PHACTR2: variants seen among roughly 807,000 people sequenced by gnomAD.
The protein encoded by PHACTR2 is chromosome 6 open reading frame 56.
A neutral mutation model predicts 76.0 loss-of-function variants in PHACTR2; 30 were observed. That is an observed-to-expected ratio of 0.39 (90% CI 0.30 to 0.54). The LOEUF is 0.54. PHACTR2 is among the 20% of genes least tolerant of loss of function. PHACTR2 has a pLI of 0.61. For missense variants in PHACTR2, 696 were observed against 781.1 expected, an observed-to-expected ratio of 0.89 and a Z score of 1.30; for synonymous variants, 292 against 292.5, an observed-to-expected ratio of 1.00 and a Z score of 0.02.
chr6:143,659,109 G>GTAA lies in PHACTR2; in HGVS notation c.13+50788_13+50790dup, dbSNP rs1241430661. Among the ~76,000 whole-genome samples, 1 of 151,974 alleles carries GTAA rather than the reference G, an allele frequency of 6.6e-6. No individual in the cohort carries two copies. The highest frequency in any genetic ancestry group is 1.5e-5 in the Non-Finnish European group (1 of 68,002). Reference sequence around the variant, plus strand: ...CTTGCAGGACTGGAGGTTGCCCTAGGTAAGTCTGTGAGTGAGTGATGGGTG... The same window carrying GTAA: ...CTTGCAGGACTGGAGGTTGCCCTAGGTAATAAGTCTGTGAGTGAGTGATGGGTG... On this transcript the variant is annotated intron_variant, in intron 1 of 11. Transcript: ENST00000305766. The surrounding 1 kb of genome is among the most constrained non-coding windows in gnomAD (Gnocchi z 5.0).
At position 143,553,826 on chromosome 6, in the gene PHACTR2, C is replaced by T. The variant is rs968110556; in HGVS notation, c.217+16619C>T. 2.0e-5 allele frequency among the ~76,000 whole-genome samples: 3 copies of T among 151,988 alleles called. No individual in the cohort carries two copies. Among genetic ancestry groups the T allele is most frequent in the Non-Finnish European group, 2.9e-5 (2 of 67,992 alleles). ...AGCAGAGGAAGGGTATAGGTCGTGC[C>T]GGGGTGAAGGTGTGCAGATTGCAAC... On this transcript the variant is annotated intron_variant, in intron 1 of 11. Coordinates refer to the PHACTR2 transcript ENST00000367584. The surrounding 1 kb of genome is among the most constrained non-coding windows in gnomAD (Gnocchi z 4.2).
upstream of PHACTR2, among the ~76,000 whole-genome samples, chr6:143,677,272 T>C (rs1404882729): frequency 6.7e-6 from 1 of 148,524 alleles, no homozygotes; most frequent in East Asian, 2.1e-4. Flanking sequence ...TCATTAACTG[T>C]AAATATGAAG....
At chr6:143,790,099 T>G (rs1310405686) in intron 11 of PHACTR2, among the ~76,000 whole-genome samples, 6 of 152,134 alleles carry the variant, frequency 3.9e-5, no homozygotes, top group Non-Finnish European at 8.8e-5. Context: ...GGTGGCCTGA[T>G]GGGTGGAAGC....
Position 143,659,763 on chromosome 6 carries a change from T to C in PHACTR2, c.13+51441T>C, listed in dbSNP as rs1562261852. ...TATTGTAGTACCTCAGTTAGTCAAA[T>C]ATTTCCTTCCTCCAAAAGCAGAGGA... On this transcript the variant is annotated intron_variant, in intron 1 of 11. Coordinates refer to the PHACTR2 transcript ENST00000305766. The surrounding 1 kb of genome is among the most constrained non-coding windows in gnomAD (Gnocchi z 5.0). Among the ~76,000 whole-genome samples, 1 of 152,310 alleles carries C rather than the reference T, an allele frequency of 6.6e-6. No homozygotes were observed. The highest frequency in any genetic ancestry group is 1.5e-5 in the Non-Finnish European group (1 of 68,020).
At chr6:143,626,634 C>G (rs193030004) in intron 1 of PHACTR2, among the ~76,000 whole-genome samples, 6 of 151,960 alleles carry the variant, frequency 3.9e-5, no homozygotes, top group Admixed American at 3.9e-4. Context: ...AGCTTGATTA[C>G]ACAAATAATA....
Position 143,710,055 on chromosome 6 carries a change from C to T in PHACTR2, c.47-1961C>T, listed in dbSNP as rs555789644. Among the ~76,000 whole-genome samples, 34 of 152,210 alleles carry T rather than the reference C, an allele frequency of 2.2e-4. No homozygotes were observed. In the South Asian group the frequency reaches 3.3e-3, roughly 15 times the overall value. ...TCACAGGTTCTTCTATGGTGCTCGG[C>T]TGTAGTAGAGCAGTTATTGTCTAAA... On this transcript the variant is annotated intron_variant, in intron 1 of 12. Coordinates refer to ENST00000440869, the MANE Select transcript of PHACTR2 (RefSeq NM_001100164.2). This position sits in a 1 kb window ranked among gnomAD's most constrained non-coding sequence, Gnocchi z 4.9.
chr6:143,568,493 C>A (rs1775394791), intron 1 of PHACTR2, among the ~76,000 whole-genome samples: 1 of 152,148 alleles, frequency 6.6e-6, no homozygotes, highest in African/African-American at 2.4e-5. Context: ...GAGGGAGAAC[C>A]TGTGTGTTCA....
In PHACTR2 at chr6:143,701,077, C is replaced by T. The variant is rs116344620; in HGVS notation, c.47-10939C>T. On this transcript the variant is annotated intron_variant, in intron 1 of 12. Coordinates refer to ENST00000440869, the MANE Select transcript of PHACTR2 (RefSeq NM_001100164.2). ...TACTCAATCAGAATTTCTGTAAACCCCAAATAAGAGCGACTTTATTTAATC... is the reference window on the plus strand; with the variant it reads ...TACTCAATCAGAATTTCTGTAAACCTCAAATAAGAGCGACTTTATTTAATC... Among the ~76,000 whole-genome samples, 558 of 152,290 alleles carry T rather than the reference C, an allele frequency of 3.7e-3. 8 individuals carry two copies. The highest frequency in any genetic ancestry group is 0.013 in the African/African-American group (534 of 41,558).
intron 6 of PHACTR2, among the ~76,000 whole-genome samples, chr6:143,770,909 TTTTC>T (rs1468454887): frequency 9.9e-5 from 14 of 141,462 alleles, no homozygotes; most frequent in East Asian, 2.1e-4. Flanking sequence ...ATATCACCTT[TTTTC>T]TTTCTTTCTT....
In PHACTR2 at chr6:143,780,108, A is replaced by G. The variant is rs1488516930; in HGVS notation, c.1645+2725A>G. On this transcript the variant is annotated intron_variant, in intron 9 of 12. Transcript: ENST00000440869. The surrounding 1 kb of genome is among the most constrained non-coding windows in gnomAD (Gnocchi z 4.4). ...TCTATAGAGAAAAATGAATTAGGCC[A>G]TTGAGTTCTGCATATATTTTTCCCC... Among the ~76,000 whole-genome samples, 1 of 152,124 alleles carries G rather than the reference A, an allele frequency of 6.6e-6. No individual in the cohort carries two copies. The highest frequency in any genetic ancestry group is 2.4e-5 in the African/African-American group (1 of 41,422).
chr6:143,660,672 C>T (rs147743306), intron 1 of PHACTR2, among the ~76,000 whole-genome samples: 2 of 152,168 alleles, frequency 1.3e-5, no homozygotes, highest in East Asian at 3.9e-4. Flanking sequence ...GAAACATGGC[C>T]TCCAAATAAC....
At chr6:143,638,156 TCTTC>T (rs1776497012) in intron 1 of PHACTR2, among the ~76,000 whole-genome samples, 1 of 152,194 alleles carries the variant, frequency 6.6e-6, no homozygotes, top group Admixed American at 6.5e-5. Context: ...AATACTAAGG[TCTTC>T]CTTGTAGCAA....
Position 143,774,384 on chromosome 6 carries a change from T to C in PHACTR2, c.1589+169T>C, listed in dbSNP as rs951658973. Reference sequence around the variant, plus strand: ...TGAAACACTCGAAGAACCTGTCCTTTGGCCCAGCTAGCCAGTGGCTTTGAG... The same window carrying C: ...TGAAACACTCGAAGAACCTGTCCTTCGGCCCAGCTAGCCAGTGGCTTTGAG... On this transcript the variant is annotated intron_variant, in intron 8 of 12. Transcript: ENST00000440869. This position sits in a 1 kb window ranked among gnomAD's most constrained non-coding sequence, Gnocchi z 5.4. Among the ~76,000 whole-genome samples, 1 of 152,244 alleles carries C rather than the reference T, an allele frequency of 6.6e-6. No individual in the cohort carries two copies. Among genetic ancestry groups the C allele is most frequent in the Non-Finnish European group, 1.5e-5 (1 of 68,030 alleles).
intron 1 of PHACTR2, among the ~76,000 whole-genome samples, chr6:143,669,165 C>T (rs1777100254): frequency 6.6e-6 from 1 of 152,128 alleles, no homozygotes; most frequent in Non-Finnish European, 1.5e-5. Context: ...GTTCAGTTTC[C>T]ATGTAGTTGT....
In PHACTR2 at chr6:143,819,312, A is replaced by G. The variant is rs1284166240; in HGVS notation, c.1923-4362A>G. On this transcript the variant is annotated intron_variant, in intron 12 of 12. Transcript: ENST00000440869. This position sits in a 1 kb window ranked among gnomAD's most constrained non-coding sequence, Gnocchi z 5.0. ...CAATAAATACACATGAGCATTTCAG[A>G]TAGTGCTAAGGACTGTGAAGAAAAG... 3.3e-5 allele frequency among the ~76,000 whole-genome samples: 5 copies of G among 152,200 alleles called. No individual in the cohort carries two copies. The highest frequency in any genetic ancestry group is 7.3e-5 in the Non-Finnish European group (5 of 68,044).
intron 2 of PHACTR2, among the ~76,000 whole-genome samples, chr6:143,726,790 A>C (rs1778583263): frequency 6.6e-6 from 1 of 152,084 alleles, no homozygotes; most frequent in Non-Finnish European, 1.5e-5. Context: ...AATTTCCCTA[A>C]TGGGCTAATG....
chr6:143,814,898 G>A (rs1377332970), intron 12 of PHACTR2, among the ~76,000 whole-genome samples: 2 of 151,998 alleles, frequency 1.3e-5, no homozygotes, highest in East Asian at 3.9e-4. Context: ...CACCGCCGCC[G>A]GCCCATATAA....
intron 2 of PHACTR2, among the ~76,000 whole-genome samples, chr6:143,748,095 C>T (rs1396315412): frequency 6.0e-5 from 9 of 151,004 alleles, no homozygotes; most frequent in Non-Finnish European, 1.2e-4. Flanking sequence ...GATGGAGTTT[C>T]GCTCTTGTCG....
intron 2 of PHACTR2, among the ~76,000 whole-genome samples, chr6:143,732,746 T>G (rs1174361027): frequency 6.6e-6 from 1 of 152,216 alleles, no homozygotes; most frequent in Non-Finnish European, 1.5e-5. Context: ...CATTTTATAT[T>G]CCTACTAGCA....
Sources: gnomAD v4.1 joint callset for allele counts (sites outside exome capture counted in the v4.1 genomes callset) on GRCh38, gnomAD v4.1.1 for gene constraint, Gnocchi (gnomAD v3.1) non-coding constraint, MANE v1.5 for transcripts, NCBI Gene and HGNC (gene_info 2026-07-23, HGNC 2026-07-21) for gene names.